The following CUX2 variants were observed in gnomAD, a reference collection of about 807,000 sequenced individuals.
CUX2 encodes homeobox protein cut-like 2.
Under a neutral mutation model 144.8 loss-of-function variants are expected in CUX2, and 40 were observed. The observed-to-expected ratio is 0.28, with a 90% confidence interval of 0.21 to 0.36. CUX2 has a LOEUF of 0.36. CUX2 is among the 10% of genes least tolerant of loss of function. The pLI is 1.00. For synonymous variants in CUX2, 827 were observed against 875.6 expected (o/e 0.94, Z 0.98); for missense variants, 1,615 against 1,994.0 (o/e 0.81, Z 3.62).
intron 1 of CUX2, among the ~76,000 whole-genome samples, chr12:111,155,402 T>C (rs1877309469): frequency 6.6e-6 from 1 of 152,268 alleles, no homozygotes; most frequent in African/African-American, 2.4e-5. Flanking sequence ...TGATTCTTAG[T>C]GCTCTTTCTT....
chr12:111,035,973 G>A lies in CUX2; in HGVS notation c.63+1733G>A, dbSNP rs79034361. Among the ~76,000 whole-genome samples the A allele has an allele frequency of 6.6e-6, 1 of 152,184 alleles. No individual in the cohort carries two copies. Among genetic ancestry groups the A allele is most frequent in the Non-Finnish European group, 1.5e-5 (1 of 68,032 alleles). On this transcript the variant is annotated intron_variant, in intron 1 of 21. Coordinates refer to ENST00000261726, the MANE Select transcript of CUX2 (RefSeq NM_015267.4). This position sits in a 1 kb window ranked among gnomAD's most constrained non-coding sequence, Gnocchi z 6.0. ...ATGGAGGCAGAGAGAGAGAGAGAGA[G>A]GGAGAATTGGGCAGCCACATTGGGC...
Position 111,277,365 on chromosome 12 carries a change from A to C in CUX2, c.301+13526A>C, listed in dbSNP as rs1884929412. 6.6e-6 allele frequency among the ~76,000 whole-genome samples: 1 copy of C among 151,980 alleles called. No homozygotes were observed. The highest frequency in any genetic ancestry group is 6.6e-5 in the Admixed American group (1 of 15,260). On this transcript the variant is annotated intron_variant, in intron 4 of 21. Coordinates refer to ENST00000261726, the MANE Select transcript of CUX2 (RefSeq NM_015267.4). This position sits in a 1 kb window ranked among gnomAD's most constrained non-coding sequence, Gnocchi z 5.0. ...ATTTCTGGGACGGTAACCCCAGGGG[A>C]GGTTAGTAGGACGGTCAGCTGCCAT... is the stretch of plus-strand genomic sequence containing the variant.
intron 1 of CUX2, among the ~76,000 whole-genome samples, chr12:111,043,326 C>T (rs1375431276): frequency 6.6e-6 from 1 of 151,992 alleles, no homozygotes; most frequent in Non-Finnish European, 1.5e-5. Context: ...ATCTCAAGGA[C>T]AAGGTTAGGG....
chr12:111,184,979 G>C (rs1879428764), intron 1 of CUX2, among the ~76,000 whole-genome samples: 1 of 151,936 alleles, frequency 6.6e-6, no homozygotes, highest in African/African-American at 2.4e-5. Flanking sequence ...GGAGGAGAAT[G>C]GGGTGACCCA....
chr12:111,301,391 G>C (rs1886284326), intron 9 of CUX2, among the ~76,000 whole-genome samples: 1 of 152,174 alleles, frequency 6.6e-6, no homozygotes, highest in Admixed American at 6.5e-5. Flanking sequence ...TGTAGGAGAG[G>C]GACCTTCTGA....
At chr12:111,137,150 C>T (rs1269241379) in intron 1 of CUX2, among the ~76,000 whole-genome samples, 1 of 151,304 alleles carries the variant, frequency 6.6e-6, no homozygotes, top group Non-Finnish European at 1.5e-5. Flanking sequence ...GCCAAGCTGG[C>T]CTCAAACTAC....
chr12:111,231,843 C>T (rs992898906), intron 3 of CUX2, among the ~76,000 whole-genome samples: 1 of 152,138 alleles, frequency 6.6e-6, no homozygotes, highest in Non-Finnish European at 1.5e-5. Flanking sequence ...TGCAGTGGCT[C>T]ATGCCTGTAA....
At chr12:111,268,430 G>A (rs1178396021) in intron 4 of CUX2, among the ~76,000 whole-genome samples, 4 of 152,328 alleles carry the variant, frequency 2.6e-5, no homozygotes, top group Admixed American at 6.5e-5. Flanking sequence ...GGTTCCAGGC[G>A]TTAGGACACA....
At chr12:111,196,204 T>G (rs1880233538) in intron 1 of CUX2, among the ~76,000 whole-genome samples, 1 of 152,240 alleles carries the variant, frequency 6.6e-6, no homozygotes, top group African/African-American at 2.4e-5. Context: ...TTCTCTTGAT[T>G]GCTAAATAAT....
Position 111,304,432 on chromosome 12 carries a change from A to G in CUX2, c.858+118A>G, listed in dbSNP as rs1241013333. On this transcript the variant is annotated intron_variant, in intron 10 of 21. Transcript: ENST00000261726. This position sits in a 1 kb window ranked among gnomAD's most constrained non-coding sequence, Gnocchi z 4.7. ...GTGGTTGATTGTGTGCATCCATTTG[A>G]AACTGGGAGTGTGAATGTGTGTGGG... is the stretch of plus-strand genomic sequence containing the variant. The G allele has an allele frequency of 2.2e-5, 17 of 775,446 alleles. No homozygotes were observed. Among genetic ancestry groups the G allele is most frequent in the Non-Finnish European group, 3.5e-5 (16 of 463,296 alleles). 48.0% of individuals were successfully genotyped at this position (775,446 alleles called of 1,614,324 possible). A position where few individuals can be genotyped will look rare whatever the true frequency, so the allele number is the denominator to read the frequency against.
At chr12:111,121,668 C>T (rs534665950) in intron 1 of CUX2, among the ~76,000 whole-genome samples, 4 of 152,044 alleles carry the variant, frequency 2.6e-5, no homozygotes, top group East Asian at 1.9e-4. Flanking sequence ...GGCCAATAAA[C>T]GTATTTTCTA....
At chr12:111,110,561 C>T (rs1873877320) in intron 1 of CUX2, among the ~76,000 whole-genome samples, 1 of 152,160 alleles carries the variant, frequency 6.6e-6, no homozygotes, top group East Asian at 1.9e-4. Flanking sequence ...GTGCTTAATC[C>T]AATAATGATT....
intron 1 of CUX2, among the ~76,000 whole-genome samples, chr12:111,071,528 T>G (rs1871253124): frequency 6.6e-6 from 1 of 152,228 alleles, no homozygotes; most frequent in Non-Finnish European, 1.5e-5. Flanking sequence ...ATCAGATGTG[T>G]CTTTGGCAAA....
At chr12:111,248,738 A>G (rs1883408223) in intron 3 of CUX2, among the ~76,000 whole-genome samples, 1 of 152,190 alleles carries the variant, frequency 6.6e-6, no homozygotes, top group African/African-American at 2.4e-5. Context: ...GCCTGTCCCA[A>G]CAGACGGCTG....
chr12:111,162,771 T>A (rs1163826843), intron 1 of CUX2, among the ~76,000 whole-genome samples: 1 of 152,090 alleles, frequency 6.6e-6, no homozygotes, highest in Non-Finnish European at 1.5e-5. Flanking sequence ...AAGGGCCAGG[T>A]GTGGTGGCTC....
At chr12:111,181,195 A>G (rs539872421) in intron 1 of CUX2, among the ~76,000 whole-genome samples, 1 of 152,256 alleles carries the variant, frequency 6.6e-6, no homozygotes, top group Non-Finnish European at 1.5e-5. Context: ...TCTGAGGAAC[A>G]CAGGAGTTTC....
At position 111,034,712 on chromosome 12, in the gene CUX2, GGGAGGAGGAGGAGGAGA is replaced by G. The variant is rs933047959; in HGVS notation, c.63+491_63+507del. Among the ~76,000 whole-genome samples the G allele has an allele frequency of 6.6e-5, 10 of 151,570 alleles. No individual in the cohort carries two copies. Among genetic ancestry groups the G allele is most frequent in the South Asian group, 2.1e-4 (1 of 4,828 alleles). Reference sequence around the variant, plus strand: ...GAGGGAGGGAGGGAGCTGGCGGGCAGGGAGGAGGAGGAGGAGAGGAGGAGGAGGAGGAGAGAGGAGGA... The same window carrying G: ...GAGGGAGGGAGGGAGCTGGCGGGCAGGGAGGAGGAGGAGGAGAGAGGAGGA... On this transcript the variant is annotated intron_variant, in intron 1 of 21. Coordinates refer to ENST00000261726, the MANE Select transcript of CUX2 (RefSeq NM_015267.4). The surrounding 1 kb of genome is among the most constrained non-coding windows in gnomAD (Gnocchi z 4.2).
chr12:111,191,918 G>A (rs1369337733), intron 1 of CUX2, among the ~76,000 whole-genome samples: 2 of 152,146 alleles, frequency 1.3e-5, no homozygotes, highest in Non-Finnish European at 2.9e-5. Context: ...CAGGTTGTGG[G>A]GAGCAGGAGT....
chr12:111,188,460 C>G (rs1879684864), intron 1 of CUX2, among the ~76,000 whole-genome samples: 1 of 152,050 alleles, frequency 6.6e-6, no homozygotes, highest in Admixed American at 6.5e-5. Flanking sequence ...CCACCAGGGG[C>G]CGAGGGAGAG....
Sources: allele counts gnomAD v4.1 joint callset (sites outside exome capture counted in the v4.1 genomes callset), GRCh38; gene constraint gnomAD v4.1.1; non-coding constraint Gnocchi (gnomAD v3.1); transcripts MANE v1.5; gene names NCBI Gene and HGNC (gene_info 2026-07-23, HGNC 2026-07-21).